The following GALNTL6 variants were observed in gnomAD, a reference collection of about 807,000 sequenced individuals.
GALNTL6 encodes polypeptide N-acetylgalactosaminyltransferase-like 6.
Under a neutral mutation model 73.7 loss-of-function variants are expected in GALNTL6, and 46 were observed. That is an observed-to-expected ratio of 0.62 (90% confidence interval 0.49 to 0.80). The LOEUF (loss-of-function observed/expected upper bound fraction) is 0.80, where lower values mean the gene tolerates loss of function less well. Ranked by LOEUF, GALNTL6 falls within the 30% of genes least tolerant of loss-of-function variation. The pLI is 0.00. For missense variants in GALNTL6, 604 were observed against 755.0 expected (o/e 0.80, Z 2.34); for synonymous variants, 259 against 263.7 (o/e 0.98, Z 0.17).
At chr4:171,932,855 T>A (rs958121699) in intron 2 of GALNTL6, among the ~76,000 whole-genome samples, 1 of 152,160 alleles carries the variant, frequency 6.6e-6, no homozygotes, top group African/African-American at 2.4e-5. Flanking sequence ...TACAATTGGA[T>A]CACCAGGGAT....
At chr4:172,758,140 C>T (rs931582690) in intron 5 of GALNTL6, among the ~76,000 whole-genome samples, 1 of 152,166 alleles carries the variant, frequency 6.6e-6, no homozygotes, top group African/African-American at 2.4e-5. Flanking sequence ...TACACATAAA[C>T]ATCTATATAT....
intron 2 of GALNTL6, among the ~76,000 whole-genome samples, chr4:172,117,619 T>G (rs1489397560): frequency 6.6e-6 from 1 of 152,142 alleles, no homozygotes. Flanking sequence ...CAATGCAAAT[T>G]TTTGGTTTCA....
intron 5 of GALNTL6, among the ~76,000 whole-genome samples, chr4:172,438,629 G>A (rs1731722505): frequency 2.0e-5 from 3 of 151,700 alleles, no homozygotes; most frequent in African/African-American, 4.8e-5. Flanking sequence ...TGCTTACTCT[G>A]TACCTCTGTC....
chr4:172,382,928 A>AGG (rs1743337730), intron 5 of GALNTL6, among the ~76,000 whole-genome samples: 1 of 152,092 alleles, frequency 6.6e-6, no homozygotes, highest in Admixed American at 6.5e-5. Flanking sequence ...TATTTTTGGA[A>AGG]TTCAAATCTA....
chr4:172,983,226 A>G (rs1285200341), intron 10 of GALNTL6, among the ~76,000 whole-genome samples: 1 of 152,220 alleles, frequency 6.6e-6, no homozygotes, highest in Admixed American at 6.5e-5. Context: ...GGCAGCCACC[A>G]GAGGCAAAGA....
intron 2 of GALNTL6, among the ~76,000 whole-genome samples, chr4:172,174,054 T>C (rs959439946): frequency 6.6e-6 from 1 of 152,216 alleles, no homozygotes; most frequent in African/African-American, 2.4e-5. Context: ...CCTCTTGCTT[T>C]AAAAAGATCA....
intron 2 of GALNTL6, among the ~76,000 whole-genome samples, chr4:172,211,685 A>G (rs1408841887): frequency 6.6e-6 from 1 of 152,186 alleles, no homozygotes; most frequent in Non-Finnish European, 1.5e-5. Flanking sequence ...TGGGTAATTT[A>G]TGAACAACAG....
intron 2 of GALNTL6, among the ~76,000 whole-genome samples, chr4:171,877,261 G>A (rs538727432): frequency 9.2e-5 from 14 of 152,210 alleles, no homozygotes; most frequent in African/African-American, 3.4e-4. Flanking sequence ...CCCTTTCTCT[G>A]AGATTCAAAA....
At chr4:172,369,824 G>T (rs981033124) in intron 5 of GALNTL6, among the ~76,000 whole-genome samples, 3 of 152,078 alleles carry the variant, frequency 2.0e-5, no homozygotes, top group African/African-American at 7.2e-5. Flanking sequence ...AGCACCTCAT[G>T]CAGCCCCGGT....
intron 2 of GALNTL6, among the ~76,000 whole-genome samples, chr4:172,082,176 A>G (rs1030738084): frequency 6.6e-6 from 1 of 152,118 alleles, no homozygotes; most frequent in Non-Finnish European, 1.5e-5. Flanking sequence ...GGCCAAGTCA[A>G]GTAATATTTT....
At chr4:171,875,952 T>A (rs1736264613) in intron 2 of GALNTL6, among the ~76,000 whole-genome samples, 1 of 151,948 alleles carries the variant, frequency 6.6e-6, no homozygotes, top group Admixed American at 6.6e-5. Flanking sequence ...CAATAGAGGT[T>A]GAATATTGAG....
intron 10 of GALNTL6, among the ~76,000 whole-genome samples, chr4:172,991,867 C>T (rs967828663): frequency 6.6e-6 from 1 of 152,062 alleles, no homozygotes; most frequent in African/African-American, 2.4e-5. Context: ...GACACAGAGC[C>T]CAGTTCCGGC....
intron 7 of GALNTL6, among the ~76,000 whole-genome samples, chr4:172,869,095 AT>A (rs1744797769): frequency 1.3e-5 from 2 of 152,204 alleles, no homozygotes; most frequent in South Asian, 4.1e-4. Context: ...ATTTGAGAAT[AT>A]TCTATGCTGG....
chr4:172,154,884 AAG>A lies in GALNTL6; in HGVS notation c.139-74771_139-74770del, dbSNP rs1734208777. Among the ~76,000 whole-genome samples, 2 of 152,224 alleles carry A rather than the reference AAG, an allele frequency of 1.3e-5. 1 individual carries two copies. The highest frequency in any genetic ancestry group is 4.1e-4 in the South Asian group (2 of 4,836). ...TTCTGAGTGCATGGCTGTAGTCTGA[AAG>A]TTTATGTGCCCCTAAAATTAATATG... On this transcript the variant is annotated intron_variant, in intron 2 of 12. Coordinates refer to ENST00000506823, the MANE Select transcript of GALNTL6 (RefSeq NM_001034845.3).
At chr4:172,747,785 A>AC (rs1352032107) in intron 5 of GALNTL6, among the ~76,000 whole-genome samples, 1 of 151,490 alleles carries the variant, frequency 6.6e-6, no homozygotes, top group Non-Finnish European at 1.5e-5. Flanking sequence ...CAAATGATTA[A>AC]CTTTTTTTTT....
intron 3 of GALNTL6, among the ~76,000 whole-genome samples, chr4:172,247,300 A>G (rs1181492957): frequency 6.6e-6 from 1 of 152,136 alleles, no homozygotes; most frequent in Admixed American, 6.6e-5. Context: ...GCCACATATC[A>G]TCATGTCCCT....
rs17058416 is a variant in GALNTL6 at position 172,415,262 on chromosome 4, T to G, written c.553+66573T>G. 7.4e-3 allele frequency among the ~76,000 whole-genome samples: 1,125 copies of G among 152,326 alleles called. 8 individuals are homozygous for G. The highest frequency in any genetic ancestry group is 0.016 in the Admixed American group (247 of 15,292). Reference sequence around the variant, plus strand: ...GGCAATGCAATTTTGTCTAGAAATTTTATTAGAGTCTTTATCCCTGAATCA... The same window carrying G: ...GGCAATGCAATTTTGTCTAGAAATTGTATTAGAGTCTTTATCCCTGAATCA... On this transcript the variant is annotated intron_variant, in intron 5 of 12. Coordinates refer to ENST00000506823, the MANE Select transcript of GALNTL6 (RefSeq NM_001034845.3).
intron 5 of GALNTL6, among the ~76,000 whole-genome samples, chr4:172,675,048 C>G (rs1313260871): frequency 6.6e-6 from 1 of 152,158 alleles, no homozygotes; most frequent in African/African-American, 2.4e-5. Flanking sequence ...AAGCAGAACT[C>G]TGGCTTTTGA....
chr4:172,809,231 T>G lies in GALNTL6; in HGVS notation c.554-130T>G, dbSNP rs1741145940. 1.0e-5 allele frequency: 7 copies of G among 694,018 alleles called. No homozygotes were observed. The Admixed American group carries it at 1.6e-4, about 16-fold the overall frequency. 43.0% of individuals were successfully genotyped at this position (694,018 alleles called of 1,614,324 possible). Reference sequence around the variant, plus strand: ...AAAAATCTTACTAGTATCTCCCATCTAGATGAGGAGACAAGAATGTTACCC... The same window carrying G: ...AAAAATCTTACTAGTATCTCCCATCGAGATGAGGAGACAAGAATGTTACCC... On this transcript the variant is annotated intron_variant, in intron 5 of 12. Transcript: ENST00000506823. This position sits in a 1 kb window ranked among gnomAD's most constrained non-coding sequence, Gnocchi z 4.4.
Sources: gnomAD v4.1 joint callset for allele counts (sites outside exome capture counted in the v4.1 genomes callset) on GRCh38, gnomAD v4.1.1 for gene constraint, Gnocchi (gnomAD v3.1) non-coding constraint, MANE v1.5 for transcripts, NCBI Gene and HGNC (gene_info 2026-07-23, HGNC 2026-07-21) for gene names.